DERA: variants seen among roughly 807,000 people sequenced by gnomAD.
DERA encodes 2-deoxy-D-ribose 5-phosphate aldolase.
DERA carries 15 observed loss-of-function variants against 41.1 expected under a neutral mutation model. The observed-to-expected ratio is 0.37, with a 90% CI of 0.24 to 0.56. The LOEUF is 0.56. Among genes scored for constraint, DERA ranks in the 20% least tolerant of loss-of-function variants. The probability of loss-of-function intolerance (pLI) is 0.81; values close to 1 mark genes in which losing one functional copy is unlikely to be tolerated. For missense variants in DERA, 396 were observed against 403.4 expected (o/e 0.98, Z 0.16); for synonymous variants, 139 against 137.4 (o/e 1.01, Z -0.08).
chr12:15,959,684 A>G lies in DERA; in HGVS notation c.278-145A>G. On this transcript the variant is annotated intron_variant, in intron 3 of 8. Coordinates refer to ENST00000428559, the MANE Select transcript of DERA (RefSeq NM_015954.4). The surrounding 1 kb of genome is among the most constrained non-coding windows in gnomAD (Gnocchi z 4.5). Reference sequence around the variant, plus strand: ...CTAGAAGGGAATGTGGAAAATAAAAATCTTTTAATTTATTGCAGTATTGTG... The same window carrying G: ...CTAGAAGGGAATGTGGAAAATAAAAGTCTTTTAATTTATTGCAGTATTGTG... 1.9e-6 allele frequency: 1 copy of G among 525,170 alleles called. No individual in the cohort carries two copies. Among genetic ancestry groups the G allele is most frequent in the Non-Finnish European group, 3.4e-6 (1 of 291,354 alleles). The allele number at this position is 525,170 out of a possible 1,614,324, so 32.5% of individuals were successfully genotyped here.
chr12:15,959,778 G>A lies in DERA; in HGVS notation c.278-51G>A. 4 of 1,259,618 alleles carry A rather than the reference G, an allele frequency of 3.2e-6. No individual in the cohort carries two copies. Among genetic ancestry groups the A allele is most frequent in the Non-Finnish European group, 3.4e-6 (3 of 892,966 alleles). 78.0% of individuals were successfully genotyped at this position (1,259,618 alleles called of 1,614,324 possible). ...TATAAATAATAATTAAAAGCATGTT[G>A]TATGAGTTGAACTTCATTGAAAGTT... is the stretch of plus-strand genomic sequence containing the variant. On this transcript the variant is annotated intron_variant, in intron 3 of 8. Transcript: ENST00000428559. The surrounding 1 kb of genome is among the most constrained non-coding windows in gnomAD (Gnocchi z 4.5).
chr12:15,948,883 G>A (rs1260871996), intron 1 of DERA, among the ~76,000 whole-genome samples: 1 of 152,062 alleles, frequency 6.6e-6, no homozygotes, highest in African/African-American at 2.4e-5. Flanking sequence ...TTTTGGTGTG[G>A]ATGTCCTTTC....
chr12:15,977,199 A>C (rs1055465197), intron 5 of DERA, among the ~76,000 whole-genome samples: 3 of 152,140 alleles, frequency 2.0e-5, no homozygotes, highest in African/African-American at 7.2e-5. Flanking sequence ...ACTAGAAGGG[A>C]GTTGACATCC....
rs1054908292 is a variant in DERA, at chr12:15,941,508, C to A, written c.32-15428C>A. Among the ~76,000 whole-genome samples the A allele has an allele frequency of 6.6e-6, 1 of 152,094 alleles. No homozygotes were observed. The highest frequency in any genetic ancestry group is 2.4e-5 in the African/African-American group (1 of 41,426). On this transcript the variant is annotated intron_variant, in intron 1 of 8. Coordinates refer to ENST00000428559, the MANE Select transcript of DERA (RefSeq NM_015954.4). This position sits in a 1 kb window ranked among gnomAD's most constrained non-coding sequence, Gnocchi z 4.5. ...ATGTACGCTGTACCTAATATGTAGT[C>A]TTTTATTCCTCACCCCTCCCTATTC...
At chr12:15,945,676 G>A (rs1273520387) in intron 1 of DERA, among the ~76,000 whole-genome samples, 2 of 152,184 alleles carry the variant, frequency 1.3e-5, no homozygotes, top group African/African-American at 2.4e-5. Flanking sequence ...CTGCAAACAG[G>A]TACAATTTGA....
chr12:16,036,624 T>A lies in DERA; in HGVS notation c.901-66T>A. 3 of 1,184,466 alleles carry A rather than the reference T, an allele frequency of 2.5e-6. No individual in the cohort carries two copies. Among genetic ancestry groups the A allele is most frequent in the Non-Finnish European group, 3.7e-6 (3 of 815,978 alleles). 73.4% of individuals were successfully genotyped at this position (1,184,466 alleles called of 1,614,324 possible). On this transcript the variant is annotated intron_variant, in intron 8 of 8. Coordinates refer to ENST00000428559, the MANE Select transcript of DERA (RefSeq NM_015954.4). The surrounding 1 kb of genome is among the most constrained non-coding windows in gnomAD (Gnocchi z 4.9). ...AAAACTATTTATTATTATTTGATAG[T>A]ATAATTATTAACTGATGTGTATAAT...
intron 1 of DERA, among the ~76,000 whole-genome samples, chr12:15,946,821 G>A (rs1220952153): frequency 1.3e-5 from 2 of 152,114 alleles, no homozygotes; most frequent in African/African-American, 4.8e-5. Flanking sequence ...TGATGTTAGG[G>A]TGTCAATTTT....
Position 15,982,563 on chromosome 12 carries a change from G to A in DERA, c.637+127G>A, listed in dbSNP as rs997312461. 112 of 993,588 alleles carry A rather than the reference G, an allele frequency of 1.1e-4. No homozygotes were observed. In the African/African-American group the frequency reaches 1.7e-3, roughly 15 times the overall value. The allele number at this position is 993,588 out of a possible 1,614,324, so 61.5% of individuals were successfully genotyped here. A position where few individuals can be genotyped will look rare whatever the true frequency, so the allele number is the denominator to read the frequency against. On this transcript the variant is annotated intron_variant, in intron 6 of 8. Transcript: ENST00000428559. This position sits in a 1 kb window ranked among gnomAD's most constrained non-coding sequence, Gnocchi z 4.0. ...TTGGAATTTTTTTGCGGGAGGAATCGGATATTTTGTAAAAACATGTTCAAT... is the reference window on the plus strand; with the variant it reads ...TTGGAATTTTTTTGCGGGAGGAATCAGATATTTTGTAAAAACATGTTCAAT...
rs1948821018 is a variant in DERA at position 15,994,155 on chromosome 12, A to G, written c.637+11719A>G. On this transcript the variant is annotated intron_variant, in intron 6 of 8. Coordinates refer to ENST00000428559, the MANE Select transcript of DERA (RefSeq NM_015954.4). The surrounding 1 kb of genome is among the most constrained non-coding windows in gnomAD (Gnocchi z 4.8). ...AAAATTCACAGGTGCAAAGACTGGT[A>G]CATAGTAAATGCCTAGTACATGCTT... Among the ~76,000 whole-genome samples the G allele has an allele frequency of 2.0e-5, 3 of 152,356 alleles. No homozygotes were observed. The highest frequency in any genetic ancestry group is 2.0e-4 in the Admixed American group (3 of 15,310).
chr12:15,956,971 C>T lies in DERA; in HGVS notation c.67C>T (p.Pro23Ser). Reference protein sequence around the residue: ...SWISKIQVNHPAVLRRAEQIQ... With the variant: ...SWISKIQVNHSAVLRRAEQIQ... ...GATCTCCAAAATACAAGTGAATCAC[C>T]CGGCAGTTCTGAGGCGTGCGGAACA... The change falls in exon 2 of 9, where the codon CCG becomes TCG. Residue 23 changes from proline (P) to serine (S), a missense_variant. By Grantham distance (74) the Pro-to-Ser change is moderately conservative. Transcript: ENST00000428559. The T allele has an allele frequency of 6.2e-7, 1 of 1,613,854 alleles. No homozygotes were observed. Among genetic ancestry groups the T allele is most frequent in the Non-Finnish European group, 8.5e-7 (1 of 1,179,848 alleles).
chr12:15,914,144 G>A (rs539553649), intron 1 of DERA, among the ~76,000 whole-genome samples: 2 of 152,248 alleles, frequency 1.3e-5, no homozygotes, highest in African/African-American at 4.8e-5. Context: ...ACTTTGGGAG[G>A]CTCAAGGCAG....
At chr12:16,005,223 C>G (rs957404570) in intron 6 of DERA, among the ~76,000 whole-genome samples, 1 of 151,980 alleles carries the variant, frequency 6.6e-6, no homozygotes, top group Non-Finnish European at 1.5e-5. Context: ...GTGGGAGGAT[C>G]GCTTGAGGCC....
chr12:15,934,965 A>G (rs1948354662), intron 1 of DERA, among the ~76,000 whole-genome samples: 1 of 152,240 alleles, frequency 6.6e-6, no homozygotes, highest in Non-Finnish European at 1.5e-5. Flanking sequence ...GAAAAAGATT[A>G]TGATAAAGCT....
In DERA at chr12:16,028,162, T is replaced by C. The variant is rs372650078; in HGVS notation, c.638-4380T>C. Among the ~76,000 whole-genome samples the C allele has an allele frequency of 3.3e-5, 5 of 152,244 alleles. No homozygotes were observed. The East Asian group carries it at 7.7e-4, about 24-fold the overall frequency. On this transcript the variant is annotated intron_variant, in intron 6 of 8. Transcript: ENST00000428559. ...TCCAGTAAAAGGAGCCAGGGCTCAT[T>C]GGAGAAATGGCTTATACCAGGACTG...
intron 1 of DERA, among the ~76,000 whole-genome samples, chr12:15,920,166 T>TA (rs1270189446): frequency 6.6e-6 from 1 of 152,200 alleles, no homozygotes; most frequent in Non-Finnish European, 1.5e-5. Flanking sequence ...CATTACCTCT[T>TA]ATGAATATTT....
rs1454202597 is a variant in DERA, at chr12:15,965,471, G to A, written c.508+2524G>A. Among the ~76,000 whole-genome samples the A allele has an allele frequency of 6.6e-6, 1 of 151,988 alleles. No individual in the cohort carries two copies. Among genetic ancestry groups the A allele is most frequent in the African/African-American group, 2.4e-5 (1 of 41,380 alleles). On this transcript the variant is annotated intron_variant, in intron 5 of 8. Coordinates refer to ENST00000428559, the MANE Select transcript of DERA (RefSeq NM_015954.4). The surrounding 1 kb of genome is among the most constrained non-coding windows in gnomAD (Gnocchi z 4.1). ...ACCTGCCTCCACCCTCCCCCAACAG[G>A]CCCCACTGTGTGTTGTTCCCCTCCC...
At chr12:15,987,585 C>A (rs747221072) in intron 6 of DERA, among the ~76,000 whole-genome samples, 1 of 152,070 alleles carries the variant, frequency 6.6e-6, no homozygotes, top group Non-Finnish European at 1.5e-5. Flanking sequence ...ATTGGTCTTT[C>A]CTTCTCGGAC....
intron 1 of DERA, among the ~76,000 whole-genome samples, chr12:15,945,355 T>C (rs1314485838): frequency 6.6e-6 from 1 of 152,188 alleles, no homozygotes; most frequent in Non-Finnish European, 1.5e-5. Context: ...ATTCTTCCTA[T>C]CCATGAGCAT....
chr12:15,962,630 C>T lies in DERA; in HGVS notation c.374-183C>T, dbSNP rs943113723. 25 of 496,662 alleles carry T rather than the reference C, an allele frequency of 5.0e-5. No homozygotes were observed. The Admixed American group carries it at 7.4e-4, about 15-fold the overall frequency. The allele number at this position is 496,662 out of a possible 1,614,324, so 30.8% of individuals were successfully genotyped here. ...TGAGAGAACATTCAATTTCTTCACA[C>T]TTATGCATAAGTGATGTTCTTAAGT... On this transcript the variant is annotated intron_variant, in intron 4 of 8. Coordinates refer to ENST00000428559, the MANE Select transcript of DERA (RefSeq NM_015954.4).
Sources: gnomAD v4.1 joint callset for allele counts (sites outside exome capture counted in the v4.1 genomes callset) on GRCh38, gnomAD v4.1.1 for gene constraint, Gnocchi (gnomAD v3.1) non-coding constraint, MANE v1.5 for transcripts, NCBI Gene and HGNC (gene_info 2026-07-23, HGNC 2026-07-21) for gene names.